DNAH9: variants seen among roughly 807,000 people sequenced by gnomAD.
DNAH9 encodes dynein axonemal heavy chain 9.
Under a neutral mutation model 471.6 loss-of-function variants are expected in DNAH9, and 345 were observed. The ratio of observed to expected loss-of-function variants is 0.73; its 90% CI spans 0.67 to 0.80. DNAH9 has a LOEUF of 0.80. DNAH9 is among the 30% of genes least tolerant of loss of function. DNAH9 has a pLI of 0.00. For missense variants in DNAH9, 5,407 were observed against 5,609.2 expected (o/e 0.96, Z 1.15); for synonymous variants, 2,093 against 2,123.6 (o/e 0.99, Z 0.40).
At chr17:11,961,484 G>A (rs1302096721) in intron 67 of DNAH9, among the ~76,000 whole-genome samples, 1 of 152,084 alleles carries the variant, frequency 6.6e-6, no homozygotes, top group Non-Finnish European at 1.5e-5. Context: ...TGGCTTCTTG[G>A]GTTTCTAAGC....
chr17:11,729,933 C>T (rs895887805), intron 28 of DNAH9, among the ~76,000 whole-genome samples: 23 of 152,206 alleles, frequency 1.5e-4, no homozygotes, highest in Non-Finnish European at 2.9e-4. Context: ...TCCAGCTGCC[C>T]TGAAAGCCAC....
At chr17:11,733,784 C>G (rs1051657416) in intron 28 of DNAH9, among the ~76,000 whole-genome samples, 12 of 145,006 alleles carry the variant, frequency 8.3e-5, no homozygotes, top group Non-Finnish European at 1.6e-4. Context: ...CGGTGTGAAC[C>G]CGGGAGGTGG....
intron 27 of DNAH9, among the ~76,000 whole-genome samples, chr17:11,727,373 CCT>C (rs1597551902): frequency 6.6e-6 from 1 of 152,030 alleles, no homozygotes; most frequent in African/African-American, 2.4e-5. Context: ...GTTATCACCC[CCT>C]GTCTTTGTCT....
Position 11,732,708 on chromosome 17 carries a change from A to C in DNAH9, c.5814+4786A>C, listed in dbSNP as rs11870100. 6.9e-3 allele frequency among the ~76,000 whole-genome samples: 1,049 copies of C among 152,198 alleles called. 9 individuals carry two copies. Among genetic ancestry groups the C allele is most frequent in the African/African-American group, 0.023 (940 of 41,544 alleles). On this transcript the variant is annotated intron_variant, in intron 28 of 68. Coordinates refer to ENST00000262442, the MANE Select transcript of DNAH9 (RefSeq NM_001372.4). ...GATATTACTTACTTTTTTCTGGAAT[A>C]TCTTCTTTACTATTGCAATCAGCTG...
chr17:11,844,723 C>T (rs2011479), intron 49 of DNAH9, among the ~76,000 whole-genome samples: 2,738 of 152,156 alleles, frequency 0.018, 79 homozygotes, highest in African/African-American at 0.061. Flanking sequence ...CTTTTTTTAT[C>T]ATTTAACTTT....
In DNAH9 at chr17:11,748,645, C is replaced by T. The variant is rs370504505; in HGVS notation, c.6610+879C>T. On this transcript the variant is annotated intron_variant, in intron 32 of 68. Transcript: ENST00000262442. Reference sequence around the variant, plus strand: ...AGCCATATTCCTTTCTACAGTGATTCAGAGGCCCCCAACCCTGGGTGCTGA... The same window carrying T: ...AGCCATATTCCTTTCTACAGTGATTTAGAGGCCCCCAACCCTGGGTGCTGA... 2.7e-4 allele frequency among the ~76,000 whole-genome samples: 41 copies of T among 152,292 alleles called. No homozygotes were observed. The South Asian group carries it at 4.6e-3, about 17-fold the overall frequency.
In DNAH9 at chr17:11,891,835, G is replaced by C; in HGVS notation, c.11171G>C (p.Arg3724Thr). 6.2e-7 allele frequency: 1 copy of C among 1,614,140 alleles called. No homozygotes were observed. The highest frequency in any genetic ancestry group is 8.5e-7 in the Non-Finnish European group (1 of 1,180,022). The stretch of plus-strand genomic sequence containing the variant: ...AGGGCTGCTCCTGACGAAAGCCTCA[G>C]GGAGCGGGTGGCCAACCTAATAGAC... ...VERAAPDESL[R>T]ERVANLIDSI... is the part of the protein sequence containing the mutation. The change falls in exon 58 of 69, where the codon AGG (arginine) becomes ACG (threonine). Residue 3724 changes from arginine to threonine, a missense_variant. Transcript: ENST00000262442.
At chr17:11,956,301 A>G (rs1975637021) in intron 67 of DNAH9, among the ~76,000 whole-genome samples, 1 of 152,214 alleles carries the variant, frequency 6.6e-6, no homozygotes. Context: ...TAACAATCCT[A>G]AGTGTATAGG....
chr17:11,964,121 C>T (rs1003850616), intron 68 of DNAH9, among the ~76,000 whole-genome samples: 5 of 152,138 alleles, frequency 3.3e-5, no homozygotes, highest in Non-Finnish European at 5.9e-5. Flanking sequence ...GAAAGCAATT[C>T]AAGAGCCAAC....
intron 8 of DNAH9, among the ~76,000 whole-genome samples, chr17:11,635,229 C>G (rs1019068235): frequency 6.6e-6 from 1 of 151,614 alleles, no homozygotes; most frequent in African/African-American, 2.4e-5. Flanking sequence ...TGCAGTGGTG[C>G]GATCTCAACT....
chr17:11,777,102 T>C (rs1267807153), intron 38 of DNAH9, among the ~76,000 whole-genome samples: 1 of 152,220 alleles, frequency 6.6e-6, no homozygotes, highest in Non-Finnish European at 1.5e-5. Context: ...ATCTGTGATA[T>C]ATGCCTCCTA....
rs752899855 is a variant in DNAH9, at chr17:11,647,084, A to G, written c.1983A>G (p.Arg661=). The G allele has an allele frequency of 1.9e-6, 3 of 1,613,944 alleles. No individual in the cohort carries two copies. The South Asian group carries it at 3.3e-5, about 18-fold the overall frequency. The change falls in exon 12 of 69, where the codon AGA becomes AGG. Residue 661 remains arginine, a synonymous_variant. Coordinates refer to ENST00000262442, the MANE Select transcript of DNAH9 (RefSeq NM_001372.4). ...MLSLLEKYET[R]LYEDWCRTVS... ...CTGACCCTTGCAGGTATGAGACAAG[A>G]CTTTATGAGGATTGGTGCCGGACAG...
At chr17:11,644,724 G>T (rs752985852) in intron 11 of DNAH9, 25 bp downstream of exon 11, 3 of 1,565,872 alleles carry the variant, frequency 1.9e-6, no homozygotes, top group Non-Finnish European at 1.8e-6. Context: ...GCATTGCGTG[G>T]GTCTGCAGAT....
intron 49 of DNAH9, among the ~76,000 whole-genome samples, chr17:11,850,835 A>G (rs9895129): frequency 0.49 from 73,987 of 151,238 alleles, 18,828 homozygotes; most frequent in African/African-American, 0.61. Flanking sequence ...TTTCCATCCA[A>G]TCACTCAACA....
chr17:11,966,491 G>A (rs990058469), intron 68 of DNAH9, among the ~76,000 whole-genome samples: 5 of 152,206 alleles, frequency 3.3e-5, no homozygotes, highest in Middle Eastern at 3.4e-3. Flanking sequence ...TCAGGCAAAA[G>A]GAAAGGATAC....
At chr17:11,888,099 C>G (rs1456990500) in intron 57 of DNAH9, among the ~76,000 whole-genome samples, 1 of 151,870 alleles carries the variant, frequency 6.6e-6, no homozygotes, top group Non-Finnish European at 1.5e-5. Flanking sequence ...TCTCCTGCCT[C>G]AGCCTCCCGA....
chr17:11,790,075 A>G (rs1209734472), intron 41 of DNAH9, among the ~76,000 whole-genome samples: 1 of 151,610 alleles, frequency 6.6e-6, no homozygotes, highest in Non-Finnish European at 1.5e-5. Context: ...TTCCTTTGAA[A>G]TTTGTTGAGA....
chr17:11,808,267 G>T (rs534087370), intron 44 of DNAH9, among the ~76,000 whole-genome samples: 1 of 152,250 alleles, frequency 6.6e-6, no homozygotes, highest in East Asian at 1.9e-4. Context: ...TTTAAAAGAC[G>T]GGTCAGTAAC....
chr17:11,958,438 ATGG>A (rs1408421005), intron 67 of DNAH9, among the ~76,000 whole-genome samples: 1 of 152,224 alleles, frequency 6.6e-6, no homozygotes, highest in Non-Finnish European at 1.5e-5. Flanking sequence ...ATATACTAAA[ATGG>A]TGGATACGTG....
Sources: gnomAD v4.1 joint callset for allele counts (sites outside exome capture counted in the v4.1 genomes callset) on GRCh38, gnomAD v4.1.1 for gene constraint, MANE v1.5 for transcripts, NCBI Gene and HGNC (gene_info 2026-07-23, HGNC 2026-07-21) for gene names.